Variants in SLC4A4 observed in about 807,000 individuals in gnomAD.
SLC4A4 encodes the protein electrogenic sodium bicarbonate cotransporter 1.
In SLC4A4, 27 loss-of-function variants were observed where a neutral mutation model predicts 111.5. That is an observed-to-expected ratio of 0.24 (90% CI 0.18 to 0.33). The LOEUF is 0.33. SLC4A4 is among the 10% of genes least tolerant of loss of function. SLC4A4 has a pLI of 1.00. For synonymous variants in SLC4A4, 443 were observed against 463.4 expected, an observed-to-expected ratio of 0.96 and a Z score of 0.57; for missense variants, 909 against 1,315.5, an observed-to-expected ratio of 0.69 and a Z score of 4.78.
chr4:71,531,754 TACACACACACACACACACAC>T (rs56164928), intron 16 of SLC4A4, among the ~76,000 whole-genome samples: 59 of 128,210 alleles, frequency 4.6e-4, no homozygotes, highest in African/African-American at 1.6e-3. Context: ...CCTCCCTGCC[TACACACACACACACACACAC>T]ACACACACAC....
intron 7 of SLC4A4, among the ~76,000 whole-genome samples, chr4:71,414,862 C>A (rs1721698416): frequency 6.6e-6 from 1 of 152,082 alleles, no homozygotes; most frequent in Admixed American, 6.6e-5. Context: ...ATAGATACTG[C>A]TTTTTAGATA....
rs573016451 is a variant in SLC4A4, at chr4:71,249,443, G to A, written c.74-5777G>A. 1.7e-4 allele frequency among the ~76,000 whole-genome samples: 26 copies of A among 152,146 alleles called. No individual in the cohort carries two copies. In the South Asian group the frequency reaches 2.7e-3, roughly 16 times the overall value. On this transcript the variant is annotated intron_variant, in intron 2 of 25. Transcript: ENST00000264485. Reference sequence around the variant, plus strand: ...TCATAAAGGGCTGGTTTACCCCCTGGTAACTGCAAAATTATGCTGTGCTTT... The same window carrying A: ...TCATAAAGGGCTGGTTTACCCCCTGATAACTGCAAAATTATGCTGTGCTTT...
At chr4:71,453,252 T>C (rs1725929622) in intron 11 of SLC4A4, among the ~76,000 whole-genome samples, 1 of 152,192 alleles carries the variant, frequency 6.6e-6, no homozygotes, top group African/African-American at 2.4e-5. Flanking sequence ...TTCACTCTTT[T>C]CTAAAGACCA....
At chr4:71,416,208 G>A (rs528387939) in intron 7 of SLC4A4, among the ~76,000 whole-genome samples, 5 of 152,278 alleles carry the variant, frequency 3.3e-5, no homozygotes, top group African/African-American at 1.2e-4. Flanking sequence ...GTTTTGTGAT[G>A]TTAGCTATAT....
At chr4:71,240,040 CT>C (rs1720084106) in intron 2 of SLC4A4, among the ~76,000 whole-genome samples, 2 of 152,110 alleles carry the variant, frequency 1.3e-5, no homozygotes, top group African/African-American at 2.4e-5. Context: ...CAACCACTCA[CT>C]TTTCGTTTCA....
chr4:71,188,092 G>A (rs1745572209), intron 1 of SLC4A4, among the ~76,000 whole-genome samples: 1 of 152,214 alleles, frequency 6.6e-6, no homozygotes, highest in Admixed American at 6.5e-5. Flanking sequence ...GCAAAGAGAG[G>A]TGATTTCTTT....
At chr4:71,531,672 A>C (rs1733922478) in intron 16 of SLC4A4, among the ~76,000 whole-genome samples, 1 of 151,390 alleles carries the variant, frequency 6.6e-6, no homozygotes, top group Non-Finnish European at 1.5e-5. Context: ...TTTCATTCTT[A>C]TGCAGGTGAC....
intron 6 of SLC4A4, among the ~76,000 whole-genome samples, chr4:71,392,823 A>C (rs1406439926): frequency 1.3e-5 from 2 of 152,168 alleles, no homozygotes; most frequent in Non-Finnish European, 2.9e-5. Context: ...ACCATGATCA[A>C]GTGGGTTTCA....
intron 3 of SLC4A4, among the ~76,000 whole-genome samples, chr4:71,326,942 A>G (rs1357304544): frequency 6.6e-6 from 1 of 152,104 alleles, no homozygotes; most frequent in Non-Finnish European, 1.5e-5. Context: ...TAGCACATTA[A>G]TAACTTAAAA....
At chr4:71,387,522 T>A (rs1718860695) in intron 6 of SLC4A4, among the ~76,000 whole-genome samples, 1 of 152,288 alleles carries the variant, frequency 6.6e-6, no homozygotes, top group African/African-American at 2.4e-5. Flanking sequence ...GAAATAAAGT[T>A]TCACTCTTGT....
chr4:71,391,487 C>T (rs1719259381), intron 6 of SLC4A4, among the ~76,000 whole-genome samples: 1 of 151,980 alleles, frequency 6.6e-6, no homozygotes, highest in Admixed American at 6.6e-5. Flanking sequence ...CTTTAAATTG[C>T]TACATGTGTG....
rs546438824 is a variant in SLC4A4, at chr4:71,530,606, A to G, written c.2167-1456A>G. On this transcript the variant is annotated intron_variant, in intron 16 of 25. Transcript: ENST00000264485. ...CAGTATGTACTTTTCAAGAAAGCTA[A>G]ACCTAGCAAATCTAGCCCTCCAAGA... 1.2e-4 allele frequency among the ~76,000 whole-genome samples: 18 copies of G among 152,206 alleles called. No homozygotes were observed. The South Asian group carries it at 3.7e-3, about 32-fold the overall frequency.
intron 2 of SLC4A4, among the ~76,000 whole-genome samples, chr4:71,103,085 G>A (rs1429578368): frequency 6.6e-6 from 1 of 151,562 alleles, no homozygotes; most frequent in Non-Finnish European, 1.5e-5. Flanking sequence ...GATCTACCAA[G>A]CAAATGGAAA....
At chr4:71,265,725 A>C (rs1207132646) in intron 3 of SLC4A4, among the ~76,000 whole-genome samples, 1 of 152,180 alleles carries the variant, frequency 6.6e-6, no homozygotes, top group African/African-American at 2.4e-5. Flanking sequence ...TCAAATGATC[A>C]TAGTGATTCT....
In SLC4A4 at chr4:71,096,573, A is replaced by G. The variant is rs918744868; in HGVS notation, c.-2+3781A>G. 2.0e-5 allele frequency among the ~76,000 whole-genome samples: 3 copies of G among 152,198 alleles called. No individual in the cohort carries two copies. The South Asian group carries it at 6.2e-4, about 31-fold the overall frequency. On this transcript the variant is annotated intron_variant, in intron 2 of 26. Coordinates refer to the SLC4A4 transcript ENST00000649996. ...CAATATTTAAAAAAATCGTTAGTGC[A>G]AAAAATCCATGATGAACAAAACATC...
At chr4:71,286,285 A>G (rs917411842) in intron 3 of SLC4A4, among the ~76,000 whole-genome samples, 1 of 152,226 alleles carries the variant, frequency 6.6e-6, no homozygotes, top group Non-Finnish European at 1.5e-5. Flanking sequence ...AAGATTTTGC[A>G]TAAGTAAATT....
intron 1 of SLC4A4, among the ~76,000 whole-genome samples, chr4:71,202,234 G>C (rs1006548232): frequency 2.0e-5 from 3 of 152,136 alleles, no homozygotes; most frequent in African/African-American, 7.2e-5. Flanking sequence ...CAAATCACCT[G>C]GAATGTTTTA....
intron 6 of SLC4A4, among the ~76,000 whole-genome samples, chr4:71,385,171 T>TTATATATATATATATATA (rs199563560): frequency 1.0e-4 from 4 of 40,014 alleles, no homozygotes; most frequent in African/African-American, 1.4e-4. Flanking sequence ...TAGGTTAGAT[T>TTATATATATATATATATA]TATATATATA....
At chr4:71,362,889 T>C (rs1730921660) in intron 6 of SLC4A4, among the ~76,000 whole-genome samples, 1 of 152,108 alleles carries the variant, frequency 6.6e-6, no homozygotes, top group African/African-American at 2.4e-5. Context: ...GCCCGTGGTC[T>C]CCTCCATATT....
Sources: allele counts gnomAD v4.1 joint callset (sites outside exome capture counted in the v4.1 genomes callset), GRCh38; gene constraint gnomAD v4.1.1; transcripts MANE v1.5; gene names NCBI Gene and HGNC (gene_info 2026-07-23, HGNC 2026-07-21).